The following GABRA3 variants were observed in gnomAD, a reference collection of about 807,000 sequenced individuals.
GABRA3 encodes gamma-aminobutyric acid receptor subunit alpha-3.
A neutral mutation model predicts 30.1 loss-of-function variants in GABRA3; 10 were observed. The ratio of observed to expected loss-of-function variants is 0.33; its 90% CI spans 0.20 to 0.56. GABRA3 has a LOEUF of 0.56. Among genes scored for constraint, GABRA3 ranks in the 20% least tolerant of loss-of-function variants. GABRA3 has a pLI of 0.89. For synonymous variants in GABRA3, 151 were observed against 146.8 expected (o/e 1.03, Z -0.21); for missense variants, 233 against 392.0 (o/e 0.59, Z 3.42).
chrX:152,189,659 G>T, intron 9 of GABRA3, 71 bp downstream of exon 9: 2 of 770,264 alleles, frequency 2.6e-6, no homozygotes, highest in Non-Finnish European at 3.9e-6. Flanking sequence ...GCAGGCTATA[G>T]GCTGCCCACT....
intron 1 of GABRA3, among the ~76,000 whole-genome samples, chrX:152,383,069 C>A (rs1929188199): frequency 9.1e-6 from 1 of 110,094 alleles, no homozygotes; most frequent in African/African-American, 3.3e-5. Flanking sequence ...CAAAGCTAGA[C>A]AAGAACACAC....
intron 1 of GABRA3, among the ~76,000 whole-genome samples, chrX:152,438,669 T>C (rs140673923): frequency 8.0e-5 from 9 of 112,119 alleles, no homozygotes; most frequent in African/African-American, 2.9e-4. Flanking sequence ...CAAGCCATGA[T>C]AATACATGGA....
chrX:152,314,079 G>T (rs1182932308), intron 3 of GABRA3, among the ~76,000 whole-genome samples: 2 of 111,487 alleles, frequency 1.8e-5, no homozygotes, highest in Admixed American at 9.5e-5. Context: ...ATTCAGACGG[G>T]CTCATTTATC....
chrX:152,233,048 T>A, intron 5 of GABRA3, among the ~76,000 whole-genome samples: 1 of 111,576 alleles, frequency 9.0e-6, no homozygotes, highest in Non-Finnish European at 1.9e-5. Context: ...CTCATTATGG[T>A]TTTAATTTGC....
intron 3 of GABRA3, among the ~76,000 whole-genome samples, chrX:152,293,237 G>A (rs1006549030): frequency 2.7e-5 from 3 of 111,441 alleles, no homozygotes; most frequent in Non-Finnish European, 5.6e-5. Context: ...GGGTGCTCCT[G>A]TATTGGGTGC....
At chrX:152,447,707 T>C (rs1320563012) in intron 1 of GABRA3, among the ~76,000 whole-genome samples, 1 of 112,375 alleles carries the variant, frequency 8.9e-6, no homozygotes, top group African/African-American at 3.2e-5. Flanking sequence ...TCACAACACA[T>C]GAACAATGCA....
At chrX:152,326,800 G>A (rs1251027505) in intron 3 of GABRA3, among the ~76,000 whole-genome samples, 2 of 110,898 alleles carry the variant, frequency 1.8e-5, no homozygotes, top group Admixed American at 9.6e-5. Flanking sequence ...ATCAACTAAC[G>A]GGGAAAATAA....
intron 5 of GABRA3, among the ~76,000 whole-genome samples, chrX:152,241,565 T>C (rs1277293741): frequency 9.2e-6 from 1 of 109,209 alleles, no homozygotes. Flanking sequence ...TTTGTTTACC[T>C]AAGCAAGCCT....
chrX:152,403,263 C>T (rs926800789), intron 1 of GABRA3, among the ~76,000 whole-genome samples: 6 of 110,579 alleles, frequency 5.4e-5, no homozygotes, highest in African/African-American at 2.0e-4. Flanking sequence ...ATAAGATGGA[C>T]AAATAATAAA....
intron 4 of GABRA3, among the ~76,000 whole-genome samples, chrX:152,259,333 C>T (rs1938690421): frequency 9.0e-6 from 1 of 111,368 alleles, no homozygotes. Context: ...ATTTCTAGTG[C>T]TAAACTGGGC....
At chrX:152,195,186 T>G (rs890004388) in intron 8 of GABRA3, among the ~76,000 whole-genome samples, 3 of 112,372 alleles carry the variant, frequency 2.7e-5, no homozygotes, top group Non-Finnish European at 3.7e-5. Flanking sequence ...ATGCAATTAA[T>G]GTAAATATAA....
At chrX:152,444,389 G>A (rs1294388785) in intron 1 of GABRA3, among the ~76,000 whole-genome samples, 3 of 111,763 alleles carry the variant, frequency 2.7e-5, no homozygotes, top group African/African-American at 9.8e-5. Context: ...GCCACTACAA[G>A]GAAGGGGAAC....
intron 1 of GABRA3, among the ~76,000 whole-genome samples, chrX:152,380,585 T>C (rs1929116907): frequency 8.9e-6 from 1 of 112,151 alleles, no homozygotes; most frequent in East Asian, 2.8e-4. Flanking sequence ...CTCTTCAATA[T>C]ATTGATCTCC....
intron 5 of GABRA3, among the ~76,000 whole-genome samples, chrX:152,250,381 T>G (rs1025766208): frequency 4.9e-4 from 55 of 111,525 alleles, no homozygotes; most frequent in African/African-American, 1.8e-3. Flanking sequence ...TGATGAATGT[T>G]TTAAGTCAAT....
At chrX:152,399,819 T>A (rs1220441426) in intron 1 of GABRA3, among the ~76,000 whole-genome samples, 1 of 111,660 alleles carries the variant, frequency 9.0e-6, no homozygotes, top group East Asian at 2.8e-4. Context: ...GATTTTGCAA[T>A]AGCTAGAAGG....
intron 5 of GABRA3, among the ~76,000 whole-genome samples, chrX:152,241,941 G>A (rs1349681062): frequency 1.8e-5 from 2 of 111,643 alleles, no homozygotes; most frequent in East Asian, 2.9e-4. Flanking sequence ...TACCTCAGAT[G>A]GAAATGCAGA....
At chrX:152,239,299 A>T (rs184951328) in intron 5 of GABRA3, among the ~76,000 whole-genome samples, 1 of 106,922 alleles carries the variant, frequency 9.4e-6, no homozygotes, top group African/African-American at 3.5e-5. Context: ...TGTAGTTGAG[A>T]GGCTTTGAGT....
intron 3 of GABRA3, among the ~76,000 whole-genome samples, chrX:152,339,020 T>C (rs1207758876): frequency 9.0e-6 from 1 of 111,283 alleles, no homozygotes; most frequent in African/African-American, 3.3e-5. Context: ...GGGTCTCTTG[T>C]CATCCTATGT....
intron 1 of GABRA3, among the ~76,000 whole-genome samples, chrX:152,414,890 A>C (rs2124532749): frequency 9.3e-6 from 1 of 107,809 alleles, no homozygotes; most frequent in East Asian, 2.9e-4. Flanking sequence ...GGAACCTTAA[A>C]TGTATATTGC....
Sources: gnomAD v4.1 joint callset for allele counts (sites outside exome capture counted in the v4.1 genomes callset) on GRCh38, gnomAD v4.1.1 for gene constraint, MANE v1.5 for transcripts, NCBI Gene and HGNC (gene_info 2026-07-23, HGNC 2026-07-21) for gene names.